The following SORBS2 variants were observed in gnomAD, a reference collection of about 807,000 sequenced individuals.
SORBS2 encodes sorbin and SH3 domain-containing protein 2.
In SORBS2, 46 loss-of-function variants were observed where a neutral mutation model predicts 97.7. The observed-to-expected ratio is 0.47, with a 90% confidence interval of 0.37 to 0.60. The LOEUF is 0.60. SORBS2 is among the 20% of genes least tolerant of loss of function. The probability of loss-of-function intolerance (pLI) is 0.00; values close to 1 mark genes in which losing one functional copy is unlikely to be tolerated. For missense variants in SORBS2, 1,316 were observed against 1,282.3 expected (o/e 1.03, Z -0.40); for synonymous variants, 476 against 473.4 (o/e 1.01, Z -0.07).
At chr4:185,944,300 T>G (rs935655415) in intron 1 of SORBS2, among the ~76,000 whole-genome samples, 1 of 152,214 alleles carries the variant, frequency 6.6e-6, no homozygotes, top group Non-Finnish European at 1.5e-5. Context: ...GTGTGGCCAC[T>G]AGCCTGGGCC....
chr4:185,906,324 C>T (rs1019978045), intron 1 of SORBS2, among the ~76,000 whole-genome samples: 5 of 152,200 alleles, frequency 3.3e-5, no homozygotes, highest in South Asian at 2.1e-4. Context: ...TGAGCCACCA[C>T]GCCTGGCCTG....
At chr4:185,599,936 T>C (rs779561141) in intron 12 of SORBS2, among the ~76,000 whole-genome samples, 2 of 152,172 alleles carry the variant, frequency 1.3e-5, no homozygotes. Context: ...AGTGGGGGCA[T>C]GCTGACCCTA....
chr4:185,725,646 T>C (rs1168936173), intron 2 of SORBS2, among the ~76,000 whole-genome samples: 1 of 152,206 alleles, frequency 6.6e-6, no homozygotes. Flanking sequence ...TTGCTGTTGT[T>C]CATATAGTAC....
intron 2 of SORBS2, among the ~76,000 whole-genome samples, chr4:185,735,184 G>A (rs2098675274): frequency 6.6e-6 from 1 of 152,158 alleles, no homozygotes; most frequent in South Asian, 2.1e-4. Flanking sequence ...CTGGGGGCTG[G>A]TGGGAACTTG....
chr4:185,953,721 T>C (rs1412747722), intron 1 of SORBS2, among the ~76,000 whole-genome samples: 1 of 152,240 alleles, frequency 6.6e-6, no homozygotes, highest in Non-Finnish European at 1.5e-5. Flanking sequence ...GTCAACTCCA[T>C]CATCCCCAGT....
intron 2 of SORBS2, among the ~76,000 whole-genome samples, chr4:185,765,642 G>A (rs779717566): frequency 6.6e-6 from 1 of 152,144 alleles, no homozygotes; most frequent in Non-Finnish European, 1.5e-5. Flanking sequence ...AAAAACACGT[G>A]TGTGCCAATT....
chr4:185,690,894 CT>C (rs1373709676), intron 2 of SORBS2, among the ~76,000 whole-genome samples: 1 of 84,590 alleles, frequency 1.2e-5, no homozygotes, highest in Non-Finnish European at 2.3e-5. Context: ...GCTTGTTTTT[CT>C]TTTTTTCTTT....
At chr4:185,668,399 G>T (rs1358395327) in intron 4 of SORBS2, among the ~76,000 whole-genome samples, 4 of 152,220 alleles carry the variant, frequency 2.6e-5, no homozygotes, top group Non-Finnish European at 5.9e-5. Context: ...ATGCACGTGT[G>T]TGTATGGGTG....
intron 1 of SORBS2, among the ~76,000 whole-genome samples, chr4:185,831,063 A>G (rs2099204830): frequency 6.6e-6 from 1 of 151,938 alleles, no homozygotes; most frequent in South Asian, 2.1e-4. Context: ...TCACTAGAGA[A>G]AGTAGCCTTT....
intron 1 of SORBS2, among the ~76,000 whole-genome samples, chr4:185,878,357 A>C (rs1249584898): frequency 1.3e-5 from 2 of 152,210 alleles, no homozygotes; most frequent in Non-Finnish European, 2.9e-5. Context: ...ATCTTATTTA[A>C]AGACCTAAAA....
At chr4:185,879,182 A>T (rs1371023483) in intron 1 of SORBS2, among the ~76,000 whole-genome samples, 1 of 40,672 alleles carries the variant, frequency 2.5e-5, no homozygotes, top group Non-Finnish European at 4.5e-5. Context: ...CCCCCACCCC[A>T]CGACAGGCCC....
At chr4:185,820,048 C>G (rs1442389599) in intron 1 of SORBS2, among the ~76,000 whole-genome samples, 2 of 152,126 alleles carry the variant, frequency 1.3e-5, no homozygotes, top group African/African-American at 2.4e-5. Context: ...TAGGTATTAT[C>G]TTGAATTTTG....
chr4:185,760,331 G>A (rs1456608077), intron 2 of SORBS2, among the ~76,000 whole-genome samples: 1 of 152,222 alleles, frequency 6.6e-6, no homozygotes, highest in Non-Finnish European at 1.5e-5. Flanking sequence ...GGAGGCTGAG[G>A]CAGGTGGATC....
intron 1 of SORBS2, chr4:185,656,610 T>C: frequency 6.5e-7 from 1 of 1,546,790 alleles, no homozygotes; most frequent in Non-Finnish European, 8.7e-7. Flanking sequence ...GGCCCCCAAC[T>C]TCACCTGCAA....
chr4:185,832,294 A>G (rs934623625), intron 1 of SORBS2, among the ~76,000 whole-genome samples: 14 of 152,326 alleles, frequency 9.2e-5, no homozygotes, highest in African/African-American at 3.1e-4. Context: ...ATCTATAAAA[A>G]AGATTGTATT....
chr4:185,818,623 G>A (rs911305942), intron 1 of SORBS2, among the ~76,000 whole-genome samples: 27 of 151,882 alleles, frequency 1.8e-4, no homozygotes, highest in African/African-American at 6.0e-4. Flanking sequence ...TCAGGAGATC[G>A]AGACCATCCT....
chr4:185,831,267 A>G (rs1173679869), intron 1 of SORBS2, among the ~76,000 whole-genome samples: 1 of 152,156 alleles, frequency 6.6e-6, no homozygotes, highest in African/African-American at 2.4e-5. Flanking sequence ...CTCTGGCCAA[A>G]TGTGGCAGAA....
At chr4:185,884,946 T>G (rs2099238650) in intron 1 of SORBS2, among the ~76,000 whole-genome samples, 1 of 152,188 alleles carries the variant, frequency 6.6e-6, no homozygotes. Flanking sequence ...GCAGCCGAAG[T>G]GGTGGCACGG....
intron 2 of SORBS2, among the ~76,000 whole-genome samples, chr4:185,730,983 A>G (rs1268994413): frequency 6.6e-6 from 1 of 152,230 alleles, no homozygotes; most frequent in African/African-American, 2.4e-5. Flanking sequence ...CATGGACACC[A>G]TTCAACAGAA....
Sources: allele counts gnomAD v4.1 joint callset (sites outside exome capture counted in the v4.1 genomes callset), GRCh38; gene constraint gnomAD v4.1.1; transcripts MANE v1.5; gene names NCBI Gene and HGNC (gene_info 2026-07-23, HGNC 2026-07-21).